The following ZNF600 variants were observed in gnomAD, a reference collection of about 807,000 sequenced individuals.
ZNF600 encodes zinc finger protein 600.
ZNF600 carries 4 observed loss-of-function variants against 7.3 expected under a neutral mutation model. The observed-to-expected ratio is 0.55, with a 90% CI of 0.27 to 1.25. ZNF600 has a LOEUF of 1.25. Ranked by LOEUF, ZNF600 falls within the 50% of genes most tolerant of loss-of-function variation. ZNF600 has a pLI of 0.12. For synonymous variants in ZNF600, 290 were observed against 308.9 expected (o/e 0.94, Z 0.64); for missense variants, 911 against 922.1 (o/e 0.99, Z 0.16).
chr19:52,801,147 T>C, the ZNF600 span: 1 of 1,614,152 alleles, frequency 6.2e-7, no homozygotes, highest in Non-Finnish European at 8.5e-7. Flanking sequence ...GGTTATCTGA[T>C]GTTTTTTTAA....
At chr19:52,828,033 T>G in the ZNF600 span, among the ~76,000 whole-genome samples, 1 of 152,004 alleles carries the variant, frequency 6.6e-6, no homozygotes, top group Admixed American at 6.6e-5. Flanking sequence ...ACAGGCACTT[T>G]GTGATTTTTT....
the ZNF600 span, among the ~76,000 whole-genome samples, chr19:52,828,027 G>T: frequency 6.6e-6 from 1 of 151,972 alleles, no homozygotes; most frequent in Non-Finnish European, 1.5e-5. Flanking sequence ...TGCAAAACAG[G>T]CACTTTGTGA....
the ZNF600 span, chr19:52,810,247 C>A: frequency 1.6e-6 from 2 of 1,269,688 alleles, no homozygotes; most frequent in Non-Finnish European, 2.3e-6. Context: ...ATGAGTCTAC[C>A]TCCAGGCAAT....
the ZNF600 span, among the ~76,000 whole-genome samples, chr19:52,826,397 CCT>C: frequency 2.0e-5 from 3 of 151,896 alleles, no homozygotes; most frequent in African/African-American, 7.2e-5. Flanking sequence ...GTGGTGAAAC[CCT>C]GTTTCTACTA....
intron 3 of ZNF600, among the ~76,000 whole-genome samples, chr19:52,768,013 G>C (rs971580928): frequency 6.6e-6 from 1 of 152,040 alleles, no homozygotes. Context: ...GGGCACAAAC[G>C]TGTAAGCCTA....
At chr19:52,791,289 C>A (rs1184494169), upstream of ZNF600, among the ~76,000 whole-genome samples, 2 of 152,202 alleles carry the variant, frequency 1.3e-5, no homozygotes, top group African/African-American at 2.4e-5. Context: ...CAGGACCATG[C>A]CCAGTGGAGC....
chr19:52,801,416 G>C, the ZNF600 span: 2 of 1,614,212 alleles, frequency 1.2e-6, no homozygotes, highest in East Asian at 2.2e-5. Context: ...GCGAATGAAA[G>C]CTTAATCCAA....
chr19:52,782,420 G>C lies in ZNF600; in HGVS notation c.-19-3513C>G, dbSNP rs546329614. Among the ~76,000 whole-genome samples the C allele has an allele frequency of 2.0e-5, 3 of 151,132 alleles. No individual in the cohort carries two copies. In the East Asian group the frequency reaches 5.9e-4, roughly 30 times the overall value. On this transcript the variant is annotated intron_variant, in intron 1 of 3. Transcript: ENST00000648973. ...TGCCTGTAATCATAACTACTCAGGA[G>C]GCTGAGGCAGGAGAATCACTTGAAC... is the stretch of plus-strand genomic sequence containing the variant.
chr19:52,808,207 G>A, the ZNF600 span: 1 of 1,585,986 alleles, frequency 6.3e-7, no homozygotes, highest in Non-Finnish European at 8.6e-7. Flanking sequence ...CAAGAGAGGG[G>A]GAAAGCATGG....
At chr19:52,787,871 AG>A (rs59505409), upstream of ZNF600, among the ~76,000 whole-genome samples, 67,499 of 137,290 alleles carry the variant, frequency 0.49, 17,247 homozygotes, top group Non-Finnish European at 0.59. Context: ...AAAAAAAAAA[AG>A]AAAAAGAAAA....
At chr19:52,800,816 T>C in the ZNF600 span, 1 of 1,614,144 alleles carries the variant, frequency 6.2e-7, no homozygotes, top group Non-Finnish European at 8.5e-7. Context: ...TAGTATGTTT[T>C]GCTAGGTATG....
chr19:52,805,834 G>A, the ZNF600 span: 64,902 of 151,494 alleles, frequency 0.43, 15,789 homozygotes, highest in Non-Finnish European at 0.57. Context: ...TACAAAATTA[G>A]ATGGGTGTGG....
At chr19:52,821,048 C>T in the ZNF600 span, among the ~76,000 whole-genome samples, 1 of 152,276 alleles carries the variant, frequency 6.6e-6, no homozygotes, top group East Asian at 1.9e-4. Flanking sequence ...GCCCCAGGCA[C>T]CTCTCCAACG....
chr19:52,779,039 C>T, intron 1 of ZNF600, 132 bp from the exon 4 acceptor site: 1 of 777,828 alleles, frequency 1.3e-6, no homozygotes, highest in Non-Finnish European at 1.9e-6. Context: ...AGAGATCATG[C>T]AGAGATAAGA....
At chr19:52,784,554 G>T (rs1568636182) in intron 1 of ZNF600, among the ~76,000 whole-genome samples, 2 of 152,150 alleles carry the variant, frequency 1.3e-5, no homozygotes, top group Non-Finnish European at 2.9e-5. Flanking sequence ...CCAAGTAGAA[G>T]CTAACCTCTG....
chr19:52,782,353 G>T (rs1484614003), intron 1 of ZNF600, among the ~76,000 whole-genome samples: 1 of 151,368 alleles, frequency 6.6e-6, no homozygotes, highest in East Asian at 2.0e-4. Context: ...GAGAAACCCC[G>T]TTTCTACTGA....
At chr19:52,793,408 C>T in the ZNF600 span, among the ~76,000 whole-genome samples, 1 of 152,166 alleles carries the variant, frequency 6.6e-6, no homozygotes, top group African/African-American at 2.4e-5. Context: ...CTGCTTATCA[C>T]TTGCAGCTGA....
the ZNF600 span, chr19:52,810,594 G>A: frequency 3.7e-5 from 58 of 1,559,880 alleles, 1 homozygote; most frequent in East Asian, 5.8e-4. Context: ...TACCGCGCCC[G>A]ACCACCAACT....
chr19:52,828,422 A>T, the ZNF600 span, among the ~76,000 whole-genome samples: 5 of 152,126 alleles, frequency 3.3e-5, no homozygotes, highest in African/African-American at 9.7e-5. Context: ...AGCCGAGATC[A>T]TGCAATTGCA....
Sources: gnomAD v4.1 joint callset for allele counts (sites outside exome capture counted in the v4.1 genomes callset) on GRCh38, gnomAD v4.1.1 for gene constraint, MANE v1.5 for transcripts, NCBI Gene and HGNC (gene_info 2026-07-23, HGNC 2026-07-21) for gene names.